The following FUT8 variants were observed in gnomAD, a reference collection of about 807,000 sequenced individuals.
The protein encoded by FUT8 is alpha-(1,6)-fucosyltransferase.
A neutral mutation model predicts 71.3 loss-of-function variants in FUT8; 29 were observed. The ratio of observed to expected loss-of-function variants is 0.41; its 90% CI spans 0.30 to 0.55. FUT8 has a LOEUF of 0.55. Among genes scored for constraint, FUT8 ranks in the 20% least tolerant of loss-of-function variants. The probability of loss-of-function intolerance (pLI) is 0.34; values close to 1 mark genes in which losing one functional copy is unlikely to be tolerated. For missense variants in FUT8, 544 were observed against 702.1 expected (o/e 0.77, Z 2.55); for synonymous variants, 254 against 239.3 (o/e 1.06, Z -0.57).
intron 3 of FUT8, among the ~76,000 whole-genome samples, chr14:65,597,220 A>G (rs1253848865): frequency 6.6e-6 from 1 of 152,212 alleles, no homozygotes. Flanking sequence ...TCTTCCTGTA[A>G]AAACTATAGT....
At chr14:65,614,656 A>G (rs1057449623) in intron 3 of FUT8, among the ~76,000 whole-genome samples, 3 of 152,198 alleles carry the variant, frequency 2.0e-5, no homozygotes, top group Non-Finnish European at 4.4e-5. Flanking sequence ...TGCTTCTTCC[A>G]TCTTCAAAGC....
At chr14:65,435,077 CT>C (rs1341491487) in intron 1 of FUT8, among the ~76,000 whole-genome samples, 1 of 152,144 alleles carries the variant, frequency 6.6e-6, no homozygotes, top group African/African-American at 2.4e-5. Flanking sequence ...CACTCCTTAT[CT>C]GAGGGAAATT....
chr14:65,449,590 C>T (rs1409772527), intron 1 of FUT8, among the ~76,000 whole-genome samples: 2 of 152,188 alleles, frequency 1.3e-5, no homozygotes, highest in African/African-American at 2.4e-5. Flanking sequence ...TGTTTTCTCT[C>T]TTAACATTGG....
At chr14:65,468,257 A>C in intron 2 of FUT8, 2 of 623,372 alleles carry the variant, frequency 3.2e-6, no homozygotes, top group Non-Finnish European at 3.0e-6. Context: ...ATTCGCATAC[A>C]TGTGGCCAAA....
intron 5 of FUT8, among the ~76,000 whole-genome samples, chr14:65,622,859 CCTT>C (rs1460814595): frequency 6.6e-6 from 1 of 151,138 alleles, no homozygotes; most frequent in Admixed American, 6.6e-5. Context: ...AATTCCTTCA[CCTT>C]CTTGCCTGGA....
chr14:65,672,151 A>G lies in FUT8; in HGVS notation c.835+2671A>G, dbSNP rs568397360. On this transcript the variant is annotated intron_variant, in intron 7 of 10. Coordinates refer to ENST00000673929, the MANE Select transcript of FUT8 (RefSeq NM_001371533.1). ...TTATTTTATGTTTGTGTGTGAAACT[A>G]TATCCTTTGTACCAAGTAAAATGGT... Among the ~76,000 whole-genome samples the G allele has an allele frequency of 2.0e-5, 3 of 152,332 alleles. No homozygotes were observed. The East Asian group carries it at 5.8e-4, about 29-fold the overall frequency.
chr14:65,699,145 T>TACACACACACACAC lies in FUT8; in HGVS notation c.836-22589_836-22576dup, dbSNP rs60092488. 5.6e-4 allele frequency among the ~76,000 whole-genome samples: 74 copies of TACACACACACACAC among 132,124 alleles called. 1 individual carries two copies. The highest frequency in any genetic ancestry group is 3.4e-3 in the East Asian group (15 of 4,434). 86.7% of individuals were successfully genotyped at this position (132,124 alleles called of 152,430 possible). A position where few individuals can be genotyped will look rare whatever the true frequency, so the allele number is the denominator to read the frequency against. On this transcript the variant is annotated intron_variant, in intron 7 of 10. Coordinates refer to ENST00000673929, the MANE Select transcript of FUT8 (RefSeq NM_001371533.1). Reference sequence around the variant, plus strand: ...TGTCATGTAAACACTCCCTCCCTTCTACACACACACACACACACACACACA... The same window carrying TACACACACACACAC: ...TGTCATGTAAACACTCCCTCCCTTCTACACACACACACACACACACACACACACACACACACACA...
At chr14:65,628,382 A>G (rs545670492) in intron 5 of FUT8, among the ~76,000 whole-genome samples, 20 of 152,304 alleles carry the variant, frequency 1.3e-4, no homozygotes, top group African/African-American at 4.8e-4. Flanking sequence ...TTGATGTTGT[A>G]ACAGGATCTA....
the FUT8 span, among the ~76,000 whole-genome samples, chr14:65,383,265 C>CTTTTTTTTTTTTT: frequency 1.2e-4 from 10 of 86,532 alleles, no homozygotes; most frequent in East Asian, 2.7e-4. Flanking sequence ...TTTTTCTTTT[C>CTTTTTTTTTTTTT]TTTTTTTTTT....
chr14:65,455,281 G>A (rs1038721136), intron 1 of FUT8, among the ~76,000 whole-genome samples: 2 of 152,102 alleles, frequency 1.3e-5, no homozygotes, highest in African/African-American at 4.8e-5. Flanking sequence ...TCTGAAAAGA[G>A]GTACACTTCT....
chr14:65,716,516 C>T (rs1430247909), intron 7 of FUT8, among the ~76,000 whole-genome samples: 1 of 151,538 alleles, frequency 6.6e-6, no homozygotes, highest in East Asian at 1.9e-4. Context: ...TGAGTTGACA[C>T]AGCACATGTT....
chr14:65,375,990 C>T, the FUT8 span, among the ~76,000 whole-genome samples: 1 of 151,688 alleles, frequency 6.6e-6, no homozygotes. Context: ...ACTCAGGAAG[C>T]TGAGGCCGGA....
chr14:65,613,940 C>T (rs184241174), intron 3 of FUT8, among the ~76,000 whole-genome samples: 69 of 152,036 alleles, frequency 4.5e-4, no homozygotes, highest in South Asian at 8.3e-4. Flanking sequence ...AATGAAACCC[C>T]GTCTCTACTA....
intron 1 of FUT8, among the ~76,000 whole-genome samples, chr14:65,432,617 G>T (rs550832958): frequency 6.6e-6 from 1 of 152,136 alleles, no homozygotes; most frequent in South Asian, 2.1e-4. Flanking sequence ...TGAGATAGGA[G>T]GTCGGCACAA....
intron 2 of FUT8, among the ~76,000 whole-genome samples, chr14:65,474,925 G>T (rs1476927094): frequency 6.6e-6 from 1 of 152,196 alleles, no homozygotes; most frequent in East Asian, 1.9e-4. Context: ...CTGAGCTCAA[G>T]CAGTCCTCCT....
chr14:65,431,109 C>T (rs1329941405), intron 1 of FUT8, among the ~76,000 whole-genome samples: 2 of 150,938 alleles, frequency 1.3e-5, no homozygotes, highest in South Asian at 4.2e-4. Context: ...GATTCTCCTG[C>T]CTCAGCCTCC....
At chr14:65,471,811 A>G (rs576644995) in intron 2 of FUT8, among the ~76,000 whole-genome samples, 1 of 151,982 alleles carries the variant, frequency 6.6e-6, no homozygotes, top group East Asian at 1.9e-4. Context: ...AGCTCTTTAC[A>G]ACTGTACTTA....
At chr14:65,418,298 T>C (rs989664420) in intron 1 of FUT8, among the ~76,000 whole-genome samples, 1 of 152,216 alleles carries the variant, frequency 6.6e-6, no homozygotes, top group Non-Finnish European at 1.5e-5. Context: ...GATCAAGACT[T>C]TCAATGGACA....
At chr14:65,463,387 C>T (rs917493521) in intron 2 of FUT8, among the ~76,000 whole-genome samples, 5 of 152,138 alleles carry the variant, frequency 3.3e-5, no homozygotes, top group Non-Finnish European at 7.3e-5. Context: ...CCACATCAGC[C>T]TCCTGAGTTG....
Sources: gnomAD v4.1 joint callset for allele counts (sites outside exome capture counted in the v4.1 genomes callset) on GRCh38, gnomAD v4.1.1 for gene constraint, MANE v1.5 for transcripts, NCBI Gene and HGNC (gene_info 2026-07-23, HGNC 2026-07-21) for gene names.